RASAL2: variants seen among roughly 807,000 people sequenced by gnomAD.
The protein encoded by RASAL2 is RAS protein activator like 2, also known as ras GTPase-activating protein nGAP.
RASAL2 carries 58 observed loss-of-function variants against 128.9 expected under a neutral mutation model. The ratio of observed to expected loss-of-function variants is 0.45; its 90% CI spans 0.36 to 0.56. The LOEUF (loss-of-function observed/expected upper bound fraction) is 0.56. RASAL2 is among the 20% of genes least tolerant of loss of function. The pLI, the probability that RASAL2 is intolerant of heterozygous loss-of-function variation, is 0.00. For missense variants in RASAL2, 1,360 were observed against 1,601.6 expected (o/e 0.85, Z 2.57); for synonymous variants, 561 against 580.8 (o/e 0.97, Z 0.49).
intron 3 of RASAL2, among the ~76,000 whole-genome samples, chr1:178,388,387 G>A (rs976253817): frequency 2.0e-5 from 3 of 152,170 alleles, no homozygotes; most frequent in African/African-American, 7.2e-5. Context: ...TTTCAGCGAT[G>A]TGCATTAGAA....
intron 1 of RASAL2, among the ~76,000 whole-genome samples, chr1:178,277,708 G>A (rs1666592354): frequency 6.6e-6 from 1 of 152,094 alleles, no homozygotes; most frequent in African/African-American, 2.4e-5. Flanking sequence ...TTATCTGTTG[G>A]GAATATGTTT....
At chr1:178,374,721 A>C (rs1043434500) in intron 3 of RASAL2, among the ~76,000 whole-genome samples, 1 of 152,110 alleles carries the variant, frequency 6.6e-6, no homozygotes, top group Non-Finnish European at 1.5e-5. Flanking sequence ...GAAAATCCCC[A>C]AGCCTCCCTT....
At chr1:178,116,770 TG>T (rs1360638601) in intron 1 of RASAL2, among the ~76,000 whole-genome samples, 2 of 152,028 alleles carry the variant, frequency 1.3e-5, no homozygotes, top group Non-Finnish European at 2.9e-5. Flanking sequence ...CCACCACGCC[TG>T]GCTAATTTTT....
At position 178,474,748 on chromosome 1, in the gene RASAL2, T is replaced by G. The variant is rs1014542093; in HGVS notation, c.*1509T>G. The G allele has an allele frequency of 4.6e-5, 7 of 151,992 alleles. No individual in the cohort carries two copies. Among genetic ancestry groups the G allele is most frequent in the African/African-American group, 1.7e-4 (7 of 41,374 alleles). The allele number at this position is 151,992 out of a possible 1,614,324, so 9.4% of individuals were successfully genotyped here. ...CATATAACTGCACAAATAGGAAAAG[T>G]TCATGCCTTCTATGCTGTTCAGATA... On this transcript the variant is annotated 3_prime_UTR_variant, in exon 18 of 18. Coordinates refer to ENST00000367649, the MANE Select transcript of RASAL2 (RefSeq NM_170692.4).
At chr1:178,161,711 C>A (rs1331040626) in intron 1 of RASAL2, among the ~76,000 whole-genome samples, 1 of 152,098 alleles carries the variant, frequency 6.6e-6, no homozygotes, top group Non-Finnish European at 1.5e-5. Context: ...ATATTCCCAC[C>A]AGCAATGAAT....
chr1:178,118,273 G>A (rs12028023), intron 1 of RASAL2, among the ~76,000 whole-genome samples: 13,261 of 152,054 alleles, frequency 0.087, 609 homozygotes, highest in Middle Eastern at 0.13. Context: ...CCCCTCCACG[G>A]ATGGGGAGGA....
chr1:178,223,187 T>C (rs1663669486), intron 1 of RASAL2, among the ~76,000 whole-genome samples: 1 of 152,146 alleles, frequency 6.6e-6, no homozygotes, highest in Admixed American at 6.5e-5. Flanking sequence ...TGAGACACTA[T>C]GGAGAATCAA....
chr1:178,164,777 C>T (rs1661460912), intron 1 of RASAL2, among the ~76,000 whole-genome samples: 1 of 144,302 alleles, frequency 6.9e-6, no homozygotes, highest in African/African-American at 2.6e-5. Flanking sequence ...TTTCATGAGA[C>T]CACAGTTTTA....
intron 14 of RASAL2, among the ~76,000 whole-genome samples, chr1:178,460,437 T>G (rs1202273173): frequency 6.6e-6 from 1 of 152,198 alleles, no homozygotes; most frequent in Non-Finnish European, 1.5e-5. Flanking sequence ...TTATAACATT[T>G]TTTCTTTAGG....
chr1:178,295,422 G>T (rs533764343), intron 2 of RASAL2, among the ~76,000 whole-genome samples: 3 of 151,264 alleles, frequency 2.0e-5, no homozygotes, highest in Non-Finnish European at 4.4e-5. Context: ...CTGTGTCCAT[G>T]TGTTCTCATT....
intron 1 of RASAL2, among the ~76,000 whole-genome samples, chr1:178,271,720 T>C (rs185684917): frequency 8.5e-5 from 13 of 152,330 alleles, no homozygotes; most frequent in Admixed American, 5.2e-4. Flanking sequence ...ATCAGCGGTG[T>C]CATTCCTCTG....
chr1:178,112,706 A>G (rs1411708152), intron 1 of RASAL2, among the ~76,000 whole-genome samples: 2 of 139,182 alleles, frequency 1.4e-5, no homozygotes, highest in Non-Finnish European at 3.1e-5. Flanking sequence ...GAACAATGAG[A>G]TCACATGGAC....
chr1:178,366,767 T>G (rs1671426411), intron 3 of RASAL2, among the ~76,000 whole-genome samples: 2 of 152,000 alleles, frequency 1.3e-5, no homozygotes, highest in South Asian at 4.1e-4. Context: ...TAAAAAGGAA[T>G]GAAGTACTCG....
chr1:178,348,971 T>C (rs1670299607), intron 3 of RASAL2, among the ~76,000 whole-genome samples: 1 of 151,626 alleles, frequency 6.6e-6, no homozygotes, highest in Admixed American at 6.6e-5. Context: ...GGCTAATTTT[T>C]TGTATTTTTA....
intron 1 of RASAL2, among the ~76,000 whole-genome samples, chr1:178,280,395 A>G (rs1037455471): frequency 1.3e-5 from 2 of 151,864 alleles, no homozygotes; most frequent in Non-Finnish European, 2.9e-5. Flanking sequence ...AAAATGTGTT[A>G]CCTATGTTAA....
chr1:178,274,562 G>A (rs564993241), intron 1 of RASAL2, among the ~76,000 whole-genome samples: 1 of 152,116 alleles, frequency 6.6e-6, no homozygotes, highest in East Asian at 1.9e-4. Context: ...TATTTTAAGT[G>A]CCATGCTAGT....
At chr1:178,429,255 C>G (rs1185947111) in intron 5 of RASAL2, among the ~76,000 whole-genome samples, 1 of 152,116 alleles carries the variant, frequency 6.6e-6, no homozygotes, top group Non-Finnish European at 1.5e-5. Flanking sequence ...GGACTACAGG[C>G]TTATCCAAAA....
chr1:178,403,965 G>A (rs1047537041), intron 4 of RASAL2, among the ~76,000 whole-genome samples: 3 of 152,112 alleles, frequency 2.0e-5, no homozygotes, highest in African/African-American at 7.2e-5. Flanking sequence ...GGTGGCTCAC[G>A]CCTCTAACCC....
intron 3 of RASAL2, among the ~76,000 whole-genome samples, chr1:178,319,059 G>T (rs543552493): frequency 6.6e-6 from 1 of 152,174 alleles, no homozygotes; most frequent in Admixed American, 6.5e-5. Context: ...ATGAAGCTTA[G>T]TTTGGCTGGA....
Sources: allele counts gnomAD v4.1 joint callset (sites outside exome capture counted in the v4.1 genomes callset), GRCh38; gene constraint gnomAD v4.1.1; transcripts MANE v1.5; gene names NCBI Gene and HGNC (gene_info 2026-07-23, HGNC 2026-07-21).